Variants in SORBS2 observed in about 807,000 individuals in gnomAD.
The protein encoded by SORBS2 is sorbin and SH3 domain-containing protein 2.
Under a neutral mutation model 97.7 loss-of-function variants are expected in SORBS2, and 46 were observed. The observed-to-expected ratio is 0.47, with a 90% CI of 0.37 to 0.60. The LOEUF is 0.60. Ranked by LOEUF, SORBS2 falls within the 20% of genes least tolerant of loss-of-function variation. The probability of loss-of-function intolerance (pLI) is 0.00; values close to 1 mark genes in which losing one functional copy is unlikely to be tolerated. For missense variants in SORBS2, 1,316 were observed against 1,282.3 expected (o/e 1.03, Z -0.40); for synonymous variants, 476 against 473.4 (o/e 1.01, Z -0.07).
chr4:185,772,937 T>A (rs1238831520), intron 2 of SORBS2: 1 of 152,226 alleles, frequency 6.6e-6, no homozygotes, highest in African/African-American at 2.4e-5. Context: ...GGTAGAATAC[T>A]TCTTTCATGT....
intron 1 of SORBS2, among the ~76,000 whole-genome samples, chr4:185,813,552 G>A (rs2099190572): frequency 6.6e-6 from 1 of 152,162 alleles, no homozygotes; most frequent in Non-Finnish European, 1.5e-5. Context: ...GTTGCTGAGC[G>A]TGCCCCTGCC....
intron 1 of SORBS2, among the ~76,000 whole-genome samples, chr4:185,818,589 AT>A (rs2099194745): frequency 6.6e-6 from 1 of 152,072 alleles, no homozygotes; most frequent in African/African-American, 2.4e-5. Flanking sequence ...AAGGAAGACT[AT>A]TTGAAACATT....
chr4:185,689,307 T>TTTGTAGC (rs1245217257), intron 2 of SORBS2, among the ~76,000 whole-genome samples: 2 of 152,224 alleles, frequency 1.3e-5, no homozygotes, highest in African/African-American at 4.8e-5. Context: ...CATGTGGAAC[T>TTTGTAGC]TCTGCTGGAG....
chr4:185,914,769 G>T (rs1375045065), intron 1 of SORBS2, among the ~76,000 whole-genome samples: 1 of 152,120 alleles, frequency 6.6e-6, no homozygotes, highest in African/African-American at 2.4e-5. Context: ...TTCCCTGCAC[G>T]GCCCTTGCCC....
chr4:185,723,034 A>G (rs992771642), intron 2 of SORBS2, among the ~76,000 whole-genome samples: 3 of 152,210 alleles, frequency 2.0e-5, no homozygotes, highest in Admixed American at 6.5e-5. Context: ...TCAGTTCTCC[A>G]GAGTTTGTAA....
rs145761672 is a variant in SORBS2 at position 185,617,433 on chromosome 4, G to A, written c.2351+1152C>T. Among the ~76,000 whole-genome samples the A allele has an allele frequency of 5.0e-3, 757 of 152,166 alleles. 9 individuals are homozygous for A. Among genetic ancestry groups the A allele is most frequent in the African/African-American group, 0.017 (698 of 41,508 alleles). ...TCTCAGCAGCATTACCAAATTCTGA[G>A]TGATTTATTTATATATGTCTTCTGC... is the stretch of plus-strand genomic sequence containing the variant. On this transcript the variant is annotated intron_variant, in intron 9 of 14. Coordinates refer to ENST00000418609, the Ensembl canonical transcript of SORBS2.
chr4:185,868,769 G>C (rs1415887301), intron 1 of SORBS2, among the ~76,000 whole-genome samples: 2 of 152,168 alleles, frequency 1.3e-5, no homozygotes, highest in African/African-American at 4.8e-5. Context: ...AAGTCATGCT[G>C]TGTCAATATT....
chr4:185,710,756 G>A (rs1267659790), intron 2 of SORBS2, among the ~76,000 whole-genome samples: 1 of 152,150 alleles, frequency 6.6e-6, no homozygotes, highest in African/African-American at 2.4e-5. Flanking sequence ...GTAACGGTGG[G>A]CACTGGCCAG....
intron 1 of SORBS2, among the ~76,000 whole-genome samples, chr4:185,868,061 C>T (rs2099227988): frequency 6.6e-6 from 1 of 152,024 alleles, no homozygotes; most frequent in African/African-American, 2.4e-5. Context: ...ACAATAAGTG[C>T]CTCTAACTTC....
chr4:185,882,903 AC>A, intron 1 of SORBS2, among the ~76,000 whole-genome samples: 1 of 152,180 alleles, frequency 6.6e-6, no homozygotes, highest in Non-Finnish European at 1.5e-5. Flanking sequence ...ACACAAATGA[AC>A]TCAAGTGGAT....
intron 1 of SORBS2, among the ~76,000 whole-genome samples, chr4:185,840,601 A>T (rs779565930): frequency 7.2e-5 from 11 of 152,136 alleles, no homozygotes; most frequent in African/African-American, 1.4e-4. Flanking sequence ...AAAAAAAAAT[A>T]CCAGCGATGA....
chr4:185,816,068 T>C (rs2099193116), intron 1 of SORBS2, among the ~76,000 whole-genome samples: 1 of 152,228 alleles, frequency 6.6e-6, no homozygotes, highest in South Asian at 2.1e-4. Context: ...AGGAGGCTAC[T>C]CTGGTAGAGA....
intron 1 of SORBS2, among the ~76,000 whole-genome samples, chr4:185,904,854 C>T (rs1340547317): frequency 6.6e-6 from 1 of 152,192 alleles, no homozygotes; most frequent in African/African-American, 2.4e-5. Flanking sequence ...CCTGTAATCC[C>T]AGCACTTTGG....
At chr4:185,934,610 A>AAAC (rs572166022) in intron 1 of SORBS2, among the ~76,000 whole-genome samples, 21 of 151,866 alleles carry the variant, frequency 1.4e-4, no homozygotes, top group South Asian at 1.3e-3. Flanking sequence ...AAAATACAAA[A>AAAC]AACAACAACA....
At chr4:185,701,468 T>C (rs1208433231) in intron 2 of SORBS2, among the ~76,000 whole-genome samples, 1 of 152,226 alleles carries the variant, frequency 6.6e-6, no homozygotes, top group Non-Finnish European at 1.5e-5. Context: ...TGATACCTAC[T>C]GACTTCATTT....
At chr4:185,777,088 C>A (rs940442832) in intron 1 of SORBS2, among the ~76,000 whole-genome samples, 1 of 152,028 alleles carries the variant, frequency 6.6e-6, no homozygotes, top group Non-Finnish European at 1.5e-5. Flanking sequence ...ACTTCAAGTA[C>A]TATTTAAAAA....
At position 185,834,383 on chromosome 4, in the gene SORBS2, T is replaced by C. The variant is rs1022430752; in HGVS notation, c.-337-59017A>G. 2.0e-5 allele frequency among the ~76,000 whole-genome samples: 3 copies of C among 152,172 alleles called. No individual in the cohort carries two copies. In the East Asian group the frequency reaches 5.8e-4, roughly 29 times the overall value. ...AAACCATATGAACACTTAGGACACA[T>C]TAATTAGATAAGACACATACTTTAT... is the stretch of plus-strand genomic sequence containing the variant. On this transcript the variant is annotated intron_variant, in intron 1 of 20. Coordinates refer to the SORBS2 transcript ENST00000284776.
At chr4:185,588,469 C>T (rs1211690620) in intron 14 of SORBS2, among the ~76,000 whole-genome samples, 1 of 152,110 alleles carries the variant, frequency 6.6e-6, no homozygotes, top group Non-Finnish European at 1.5e-5. Flanking sequence ...CTTTAGGCAG[C>T]GCAGATGGAC....
intron 2 of SORBS2, among the ~76,000 whole-genome samples, chr4:185,752,026 CT>C (rs1322626072): frequency 6.6e-6 from 1 of 152,090 alleles, no homozygotes. Context: ...AGAGACGCTG[CT>C]GAACACCCAG....
Sources: gnomAD v4.1 joint callset for allele counts (sites outside exome capture counted in the v4.1 genomes callset) on GRCh38, gnomAD v4.1.1 for gene constraint, MANE v1.5 for transcripts, NCBI Gene and HGNC (gene_info 2026-07-23, HGNC 2026-07-21) for gene names.